The following ALG13 variants were observed in gnomAD, a reference collection of about 807,000 sequenced individuals.
The protein encoded by ALG13 is ALG13 UDP-N-acetylglucosaminyltransferase subunit.
ALG13 carries 11 observed loss-of-function variants against 87.8 expected under a neutral mutation model. The ratio of observed to expected loss-of-function variants is 0.13; its 90% confidence interval spans 0.08 to 0.21. ALG13 has a LOEUF of 0.21. Ranked by LOEUF, ALG13 falls within the 10% of genes least tolerant of loss-of-function variation. The pLI is 1.00. For synonymous variants in ALG13, 320 were observed against 306.3 expected, an observed-to-expected ratio of 1.04 and a Z score of -0.47; for missense variants, 756 against 866.1, an observed-to-expected ratio of 0.87 and a Z score of 1.60.
At chrX:111,723,720 T>G in intron 13 of ALG13, 78 bp from the exon 14 acceptor site, 2 of 597,191 alleles carry the variant, frequency 3.3e-6, no homozygotes, top group South Asian at 2.9e-5. Flanking sequence ...CTGAACTCCA[T>G]TTGGGGAAAA....
At chrX:111,715,854 C>T (rs1035044874) in intron 8 of ALG13, among the ~76,000 whole-genome samples, 1 of 112,469 alleles carries the variant, frequency 8.9e-6, no homozygotes, top group Non-Finnish European at 1.9e-5. Context: ...TGTGTGTTGA[C>T]TTAATTCTGC....
rs760208274 is a variant in ALG13, at chrX:111,718,113, T to C, written c.1089T>C (p.Ala363=). The C allele has an allele frequency of 1.7e-5, 20 of 1,159,642 alleles. No homozygotes were observed. In the East Asian group the frequency reaches 6.5e-4, roughly 38 times the overall value. The change falls in exon 10 of 27, where the codon GCT becomes GCC. Residue 363 remains alanine, a splice_region_variant and synonymous_variant. Transcript: ENST00000394780. ...QFQSSAAVCQ[A]VLYEILYKDV... ...GAATTTTGACCATTTTTTCTTCAGCTGTATTGTACGAAATTCTCTATAAAG... is the reference window on the plus strand; with the variant it reads ...GAATTTTGACCATTTTTTCTTCAGCCGTATTGTACGAAATTCTCTATAAAG...
intron 21 of ALG13, among the ~76,000 whole-genome samples, chrX:111,734,054 G>A (rs777959095): frequency 8.9e-6 from 1 of 112,026 alleles, no homozygotes; most frequent in Non-Finnish European, 1.9e-5. Context: ...TTAGTCCTTT[G>A]TCGAATGTAT....
At chrX:111,702,039 A>G (rs1430214959) in intron 3 of ALG13, among the ~76,000 whole-genome samples, 1 of 112,090 alleles carries the variant, frequency 8.9e-6, no homozygotes, top group Non-Finnish European at 1.9e-5. Context: ...GATGCTTGAT[A>G]TGATTTCAAT....
intron 8 of ALG13, 35 bp from the exon 9 acceptor site, chrX:111,717,811 A>G (rs1217905773): frequency 3.0e-6 from 3 of 995,963 alleles, no homozygotes; most frequent in South Asian, 2.2e-5. Context: ...AAGATGTGTA[A>G]CATTCACTTA....
At chrX:111,734,948 A>AT (rs1943091330) in intron 21 of ALG13, 103 bp from the exon 22 acceptor site, 7 of 559,808 alleles carry the variant, frequency 1.3e-5, no homozygotes, top group Non-Finnish European at 2.0e-5. Flanking sequence ...CCAAATTTGA[A>AT]TTTTTTCAGG....
intron 3 of ALG13, among the ~76,000 whole-genome samples, chrX:111,693,940 T>C (rs1017078885): frequency 8.0e-5 from 9 of 112,336 alleles, no homozygotes; most frequent in Non-Finnish European, 1.7e-4. Flanking sequence ...CATTGTTTAT[T>C]ACTATTTTGG....
intron 24 of ALG13, among the ~76,000 whole-genome samples, chrX:111,746,337 C>T (rs1430824839): frequency 8.9e-6 from 1 of 112,001 alleles, no homozygotes; most frequent in East Asian, 2.8e-4. Flanking sequence ...TTTTCCCGTG[C>T]TCTCCCTAGA....
chrX:111,749,929 C>T (rs1259372358), intron 24 of ALG13, among the ~76,000 whole-genome samples: 2 of 111,419 alleles, frequency 1.8e-5, no homozygotes, highest in East Asian at 2.8e-4. Flanking sequence ...GTAGCTTCTC[C>T]ATTGGTCTCA....
At chrX:111,734,531 C>T (rs1943046226) in intron 21 of ALG13, 1 of 112,472 alleles carries the variant, frequency 8.9e-6, no homozygotes, top group African/African-American at 3.2e-5. Context: ...TTTTTGCTGC[C>T]ATGACAGTCT....
chrX:111,717,021 C>T, intron 8 of ALG13: 1 of 109,764 alleles, frequency 9.1e-6, no homozygotes, highest in East Asian at 2.8e-4. Context: ...TCATAGCACA[C>T]TATAGCTTCA....
chrX:111,699,216 TGTTGA>T (rs1569513971), intron 3 of ALG13, among the ~76,000 whole-genome samples: 1 of 111,569 alleles, frequency 9.0e-6, no homozygotes, highest in African/African-American at 3.3e-5. Flanking sequence ...TTTTCTTGCT[TGTTGA>T]GTTGTTTGAT....
rs780639212 is a variant in ALG13 at position 111,730,375 on chromosome X, G to A, written c.2369-20G>A. The A allele has an allele frequency of 1.3e-5, 16 of 1,204,514 alleles. No individual in the cohort carries two copies. The South Asian group carries it at 2.5e-4, about 19-fold the overall frequency. On this transcript the variant is annotated intron_variant, in intron 19 of 26. Coordinates refer to ENST00000394780, the MANE Select transcript of ALG13 (RefSeq NM_001099922.3). Reference sequence around the variant, plus strand: ...AGACCTATATAAACACATTTCTTCTGTCTTGTCTTTTTTCCCCAGGGCGAT... The same window carrying A: ...AGACCTATATAAACACATTTCTTCTATCTTGTCTTTTTTCCCCAGGGCGAT...
At chrX:111,719,418 A>G (rs1012364982) in intron 10 of ALG13, among the ~76,000 whole-genome samples, 1 of 112,139 alleles carries the variant, frequency 8.9e-6, no homozygotes, top group East Asian at 2.8e-4. Context: ...CACTTGTCTT[A>G]AGGACTTCAG....
intron 19 of ALG13, among the ~76,000 whole-genome samples, chrX:111,728,846 A>G (rs889477493): frequency 9.0e-6 from 1 of 111,190 alleles, no homozygotes; most frequent in Non-Finnish European, 1.9e-5. Flanking sequence ...TGCTGTCCCT[A>G]TTTTACATAT....
At chrX:111,707,025 G>A (rs1938890579) in intron 3 of ALG13, among the ~76,000 whole-genome samples, 1 of 110,044 alleles carries the variant, frequency 9.1e-6, no homozygotes, top group African/African-American at 3.3e-5. Context: ...CTTAAAAAAT[G>A]TAAGAAAGGA....
chrX:111,748,802 G>T (rs895168461), intron 24 of ALG13, among the ~76,000 whole-genome samples: 2 of 111,181 alleles, frequency 1.8e-5, no homozygotes, highest in East Asian at 2.8e-4. Context: ...TAAGCAACTG[G>T]CCGGGCATGG....
In ALG13 at chrX:111,730,522, T is replaced by C. The variant is rs1942568665; in HGVS notation, c.2402-3T>C. ...CATTTTTTACTTTGGCTATATTCTCTAGAGCCAGACTATGAAACTTCAGGT... is the reference window on the plus strand; with the variant it reads ...CATTTTTTACTTTGGCTATATTCTCCAGAGCCAGACTATGAAACTTCAGGT... On this transcript the variant is annotated splice_region_variant and splice_polypyrimidine_tract_variant and intron_variant, in intron 20 of 26. Transcript: ENST00000394780. The C allele has an allele frequency of 4.2e-6, 5 of 1,195,545 alleles. No homozygotes were observed. The highest frequency in any genetic ancestry group is 5.6e-6 in the Non-Finnish European group (5 of 886,275).
At chrX:111,694,104 C>G (rs1036384197) in intron 3 of ALG13, among the ~76,000 whole-genome samples, 1 of 109,420 alleles carries the variant, frequency 9.1e-6, no homozygotes, top group African/African-American at 3.3e-5. Context: ...AGTGCAGTGG[C>G]GCGGTCTCTG....
Sources: gnomAD v4.1 joint callset for allele counts (sites outside exome capture counted in the v4.1 genomes callset) on GRCh38, gnomAD v4.1.1 for gene constraint, MANE v1.5 for transcripts, NCBI Gene and HGNC (gene_info 2026-07-23, HGNC 2026-07-21) for gene names.